Variants in RBFOX3 observed in about 807,000 individuals in gnomAD.
RBFOX3 encodes RNA binding fox-1 homolog 3.
In RBFOX3, 17 loss-of-function variants were observed where a neutral mutation model predicts 48.7. The observed-to-expected ratio is 0.35, with a 90% CI of 0.24 to 0.52. The LOEUF (loss-of-function observed/expected upper bound fraction) is 0.52. RBFOX3 is among the 20% of genes least tolerant of loss of function. The pLI is 0.94. For synonymous variants in RBFOX3, 212 were observed against 209.5 expected (o/e 1.01, Z -0.10); for missense variants, 382 against 497.5 (o/e 0.77, Z 2.21).
intron 3 of RBFOX3, among the ~76,000 whole-genome samples, chr17:79,268,262 CTG>C (rs2067065800): frequency 6.6e-6 from 1 of 152,158 alleles, no homozygotes; most frequent in African/African-American, 2.4e-5. Flanking sequence ...CAGGTTGCCT[CTG>C]TAACCGTCCC....
At chr17:79,246,173 T>C (rs974102253) in intron 3 of RBFOX3, among the ~76,000 whole-genome samples, 1 of 152,208 alleles carries the variant, frequency 6.6e-6, no homozygotes, top group African/African-American at 2.4e-5. Flanking sequence ...GAAAACCATC[T>C]ATAGAATGAC....
intron 5 of RBFOX3, among the ~76,000 whole-genome samples, chr17:79,113,498 C>T (rs543082902): frequency 4.5e-4 from 68 of 152,242 alleles, no homozygotes; most frequent in Middle Eastern, 6.8e-3. Flanking sequence ...ACCTGAGAGA[C>T]CCCAGCCTGA....
intron 2 of RBFOX3, among the ~76,000 whole-genome samples, chr17:79,377,538 C>T (rs961864849): frequency 7.9e-5 from 12 of 152,234 alleles, no homozygotes; most frequent in African/African-American, 2.4e-4. Flanking sequence ...CGCACCCATG[C>T]TGTAGGTGCG....
At chr17:79,248,712 G>T (rs922683563) in intron 3 of RBFOX3, among the ~76,000 whole-genome samples, 1 of 152,170 alleles carries the variant, frequency 6.6e-6, no homozygotes, top group African/African-American at 2.4e-5. Context: ...ACCCTATCGG[G>T]GGGTGCTTGT....
intron 3 of RBFOX3, among the ~76,000 whole-genome samples, chr17:79,296,917 CCT>C (rs1284719068): frequency 7.5e-6 from 1 of 133,474 alleles, no homozygotes; most frequent in African/African-American, 2.9e-5. Flanking sequence ...CTCCCCATCC[CCT>C]CTCTCTCCTC....
chr17:79,578,117 G>A (rs1322647749), intron 1 of RBFOX3, among the ~76,000 whole-genome samples: 7 of 152,250 alleles, frequency 4.6e-5, no homozygotes, highest in African/African-American at 9.7e-5. Context: ...CTGGGGTAGT[G>A]GTGGAGGGAA....
At chr17:79,616,365 C>G in the RBFOX3 span, among the ~76,000 whole-genome samples, 3 of 151,884 alleles carry the variant, frequency 2.0e-5, no homozygotes, top group Non-Finnish European at 4.4e-5. Flanking sequence ...GCGAAACCCC[C>G]TCTCTACTAA....
chr17:79,554,627 G>A lies in RBFOX3; in HGVS notation c.-320+56199C>T, dbSNP rs967625055. ...TGGGCTCCTAGGAGGTGGGGACCAC[G>A]TCCTGCTCAGTTCTGGATGTCTAGC... On this transcript the variant is annotated intron_variant, in intron 1 of 14. Coordinates refer to ENST00000693108, the MANE Select transcript of RBFOX3 (RefSeq NM_001350451.2). 2.0e-5 allele frequency among the ~76,000 whole-genome samples: 3 copies of A among 152,326 alleles called. No individual in the cohort carries two copies. The South Asian group carries it at 6.2e-4, about 32-fold the overall frequency.
At position 79,287,910 on chromosome 17, in the gene RBFOX3, C is replaced by T. The variant is rs371768928; in HGVS notation, c.-74+19814G>A. Among the ~76,000 whole-genome samples, 8 of 152,296 alleles carry T rather than the reference C, an allele frequency of 5.3e-5. No homozygotes were observed. In the East Asian group the frequency reaches 9.7e-4, roughly 18 times the overall value. On this transcript the variant is annotated intron_variant, in intron 3 of 14. Coordinates refer to ENST00000693108, the MANE Select transcript of RBFOX3 (RefSeq NM_001350451.2). The stretch of plus-strand genomic sequence containing the variant: ...TCAGGATTGTCACATTGCGGCACGT[C>T]GCAGACAGTGAGTGCGGCTGTGCAT...
rs149940575 is a variant in RBFOX3, at chr17:79,276,671, C to T, written c.-74+31053G>A. Among the ~76,000 whole-genome samples the T allele has an allele frequency of 5.2e-4, 79 of 152,162 alleles. 2 individuals carry two copies. In the East Asian group the frequency reaches 0.014, roughly 28 times the overall value. ...CTGCACTCCAGCCTGGGTGACAGAG[C>T]GAGACTCTGCCTTAAAAAAACAAAA... On this transcript the variant is annotated intron_variant, in intron 3 of 14. Transcript: ENST00000693108.
At chr17:79,109,661 G>A (rs2029981760) in intron 5 of RBFOX3, among the ~76,000 whole-genome samples, 1 of 152,222 alleles carries the variant, frequency 6.6e-6, no homozygotes, top group African/African-American at 2.4e-5. Context: ...TCGGTGGACA[G>A]GGATGTGCCT....
chr17:79,521,882 C>T (rs2086160015), intron 1 of RBFOX3, among the ~76,000 whole-genome samples: 2 of 152,226 alleles, frequency 1.3e-5, no homozygotes, highest in Non-Finnish European at 2.9e-5. Context: ...TCCTAGATAA[C>T]TGTGTAGCCT....
At chr17:79,584,084 C>T (rs937800136) in intron 1 of RBFOX3, among the ~76,000 whole-genome samples, 9 of 152,168 alleles carry the variant, frequency 5.9e-5, no homozygotes, top group Non-Finnish European at 1.2e-4. Flanking sequence ...GGGCTAAGGA[C>T]ATGAACAGAC....
chr17:79,362,073 C>T lies in RBFOX3; in HGVS notation c.-174-54249G>A, dbSNP rs2086463554. On this transcript the variant is annotated intron_variant, in intron 2 of 14. Transcript: ENST00000693108. The surrounding 1 kb of genome is among the most constrained non-coding windows in gnomAD (Gnocchi z 4.2). ...GCGTATTTACTCAGTCATCAAAGCGCAAATGTGGTGGGTAACAGATCACTC... is the reference window on the plus strand; with the variant it reads ...GCGTATTTACTCAGTCATCAAAGCGTAAATGTGGTGGGTAACAGATCACTC... Among the ~76,000 whole-genome samples, 1 of 152,148 alleles carries T rather than the reference C, an allele frequency of 6.6e-6. No individual in the cohort carries two copies. Among genetic ancestry groups the T allele is most frequent in the Non-Finnish European group, 1.5e-5 (1 of 68,044 alleles).
At chr17:79,122,077 C>T (rs575541162) in intron 4 of RBFOX3, among the ~76,000 whole-genome samples, 4 of 151,700 alleles carry the variant, frequency 2.6e-5, no homozygotes, top group African/African-American at 9.7e-5. Flanking sequence ...GCACATAGTC[C>T]TAATCTGGGG....
rs117275827 is a variant in RBFOX3, at chr17:79,419,127, G to A, written c.-175+63327C>T. Among the ~76,000 whole-genome samples the A allele has an allele frequency of 9.0e-3, 1,369 of 152,062 alleles. 15 individuals carry two copies. Among genetic ancestry groups the A allele is most frequent in the Middle Eastern group, 0.02 (6 of 294 alleles). On this transcript the variant is annotated intron_variant, in intron 2 of 14. Transcript: ENST00000693108. ...TATCCATGATTTCATTTTTCCCCAC[G>A]CCCCCTCCTCACCTCTGTGGGCTGC...
intron 2 of RBFOX3, among the ~76,000 whole-genome samples, chr17:79,470,679 G>A (rs1055532996): frequency 5.6e-5 from 8 of 143,168 alleles, no homozygotes; most frequent in East Asian, 1.9e-4. Flanking sequence ...CAAAGTATCC[G>A]TTCTAGCCAA....
chr17:79,139,980 C>G (rs957192648), intron 4 of RBFOX3, among the ~76,000 whole-genome samples: 1 of 152,192 alleles, frequency 6.6e-6, no homozygotes, highest in Non-Finnish European at 1.5e-5. Flanking sequence ...AGGGGCAGGG[C>G]CAGGCCTGGT....
At chr17:79,515,800 G>A (rs942130568) in intron 1 of RBFOX3, among the ~76,000 whole-genome samples, 9 of 146,646 alleles carry the variant, frequency 6.1e-5, no homozygotes, top group Admixed American at 6.8e-5. Flanking sequence ...TTCAGAGTCC[G>A]TCGCCACCCT....
Sources: allele counts gnomAD v4.1 joint callset (sites outside exome capture counted in the v4.1 genomes callset), GRCh38; gene constraint gnomAD v4.1.1; non-coding constraint Gnocchi (gnomAD v3.1); transcripts MANE v1.5; gene names NCBI Gene and HGNC (gene_info 2026-07-23, HGNC 2026-07-21).